ANKRD30B: variants seen among roughly 807,000 people sequenced by gnomAD.
ANKRD30B encodes ankyrin repeat domain-containing protein 30B.
ANKRD30B carries 144 observed loss-of-function variants against 202.2 expected under a neutral mutation model. The observed-to-expected ratio is 0.71, with a 90% confidence interval of 0.62 to 0.82. The LOEUF is 0.82. Among genes scored for constraint, ANKRD30B ranks in the 40% least tolerant of loss-of-function variants. The pLI is 0.00. For synonymous variants in ANKRD30B, 508 were observed against 561.3 expected (o/e 0.91, Z 1.34); for missense variants, 1,487 against 1,669.1 (o/e 0.89, Z 1.90).
At chr18:14,889,331 T>G in the ANKRD30B span, among the ~76,000 whole-genome samples, 192 of 152,246 alleles carry the variant, frequency 1.3e-3, no homozygotes, top group African/African-American at 4.3e-3. Context: ...TACTTCTACA[T>G]TGTCTTCAAT....
intron 30 of ANKRD30B, among the ~76,000 whole-genome samples, chr18:14,817,564 CT>C (rs1350863425): frequency 4.6e-5 from 7 of 152,044 alleles, no homozygotes; most frequent in Non-Finnish European, 8.8e-5. Flanking sequence ...GCATGTTTTG[CT>C]TTTTTATCTT....
intron 15 of ANKRD30B, among the ~76,000 whole-genome samples, chr18:14,788,338 C>G (rs1316164576): frequency 6.6e-6 from 1 of 152,108 alleles, no homozygotes; most frequent in Non-Finnish European, 1.5e-5. Flanking sequence ...TTAATGGCCA[C>G]ATGAATGTAA....
chr18:14,804,797 G>T (rs1032837077), intron 24 of ANKRD30B, among the ~76,000 whole-genome samples: 1 of 150,502 alleles, frequency 6.6e-6, no homozygotes, highest in African/African-American at 2.5e-5. Context: ...TGAATGGGAA[G>T]AATCAAGAAC....
At chr18:14,884,959 A>G in the ANKRD30B span, among the ~76,000 whole-genome samples, 1 of 152,130 alleles carries the variant, frequency 6.6e-6, no homozygotes, top group Non-Finnish European at 1.5e-5. Flanking sequence ...GCTGACAACA[A>G]TGCTCAAATA....
the ANKRD30B span, among the ~76,000 whole-genome samples, chr18:14,924,790 G>C: frequency 1.3e-5 from 2 of 152,332 alleles, no homozygotes; most frequent in Middle Eastern, 3.4e-3. Flanking sequence ...GAAGATTCCT[G>C]GTGTTCCCCA....
At chr18:14,772,768 C>T (rs1327961707) in intron 9 of ANKRD30B, among the ~76,000 whole-genome samples, 1 of 138,164 alleles carries the variant, frequency 7.2e-6, no homozygotes, top group East Asian at 2.1e-4. Context: ...CAGGAGAGAG[C>T]TTTTTCTCAG....
At chr18:14,817,810 T>G (rs1472332435) in intron 30 of ANKRD30B, among the ~76,000 whole-genome samples, 3 of 152,208 alleles carry the variant, frequency 2.0e-5, no homozygotes, top group African/African-American at 4.8e-5. Context: ...GAGAATGACC[T>G]TCTCATCATA....
chr18:14,937,507 T>C, the ANKRD30B span, among the ~76,000 whole-genome samples: 1 of 152,258 alleles, frequency 6.6e-6, no homozygotes. Context: ...CAGCCTCTGA[T>C]GGACTGCAAG....
chr18:14,791,251 T>G, intron 15 of ANKRD30B, 150 bp from the exon 16 acceptor site: 2 of 602,320 alleles, frequency 3.3e-6, no homozygotes, highest in Non-Finnish European at 5.8e-6. Context: ...ATCAAAATGT[T>G]TTGATTTTCT....
At chr18:14,837,574 T>G in intron 35 of ANKRD30B, 41 bp from the exon 36 acceptor site, 2 of 1,406,956 alleles carry the variant, frequency 1.4e-6, no homozygotes, top group Non-Finnish European at 1.9e-6. Flanking sequence ...TTTACAGTAA[T>G]AAACATTCTC....
At chr18:14,846,634 T>C (rs542587863) in intron 39 of ANKRD30B, among the ~76,000 whole-genome samples, 3 of 152,162 alleles carry the variant, frequency 2.0e-5, no homozygotes, top group African/African-American at 7.2e-5. Context: ...TTTAGGACTG[T>C]TATGTTTTCT....
At chr18:14,795,023 C>T (rs1048719584) in intron 16 of ANKRD30B, among the ~76,000 whole-genome samples, 1 of 152,154 alleles carries the variant, frequency 6.6e-6, no homozygotes, top group Non-Finnish European at 1.5e-5. Flanking sequence ...CTTAACAACT[C>T]ACATGGTATA....
At chr18:14,887,540 G>A in the ANKRD30B span, among the ~76,000 whole-genome samples, 2,059 of 151,878 alleles carry the variant, frequency 0.014, 45 homozygotes, top group African/African-American at 0.047. Flanking sequence ...GTATTGTTCT[G>A]TGTGAGACAT....
At chr18:14,888,694 C>G in the ANKRD30B span, 13 of 677,690 alleles carry the variant, frequency 1.9e-5, no homozygotes, top group Non-Finnish European at 1.7e-5. Flanking sequence ...TCTTTATATA[C>G]CATATACAAT....
chr18:14,750,342 T>C (rs1048849252), intron 1 of ANKRD30B, among the ~76,000 whole-genome samples: 1 of 152,116 alleles, frequency 6.6e-6, no homozygotes, highest in African/African-American at 2.4e-5. Context: ...CAAAGTCCTT[T>C]TTTAAGATCT....
chr18:14,795,669 A>G lies in ANKRD30B; in HGVS notation c.1826-552A>G, dbSNP rs929936084. The stretch of plus-strand genomic sequence containing the variant: ...TCTATAAGTAGATATTTATGCTGAT[A>G]AATTTAGAACATCCTCTGCAATGAT... On this transcript the variant is annotated intron_variant, in intron 16 of 43. Transcript: ENST00000690538. Among the ~76,000 whole-genome samples, 118 of 152,342 alleles carry G rather than the reference A, an allele frequency of 7.7e-4. 1 individual carries two copies. The highest frequency in any genetic ancestry group is 3.4e-3 in the Middle Eastern group (1 of 294).
intron 32 of ANKRD30B, among the ~76,000 whole-genome samples, chr18:14,826,876 G>T (rs1007548032): frequency 1.3e-5 from 2 of 152,012 alleles, no homozygotes; most frequent in African/African-American, 4.8e-5. Context: ...CATAAATTAG[G>T]CACAGTGAGA....
intron 11 of ANKRD30B, among the ~76,000 whole-genome samples, chr18:14,782,126 A>G (rs1210566955): frequency 6.6e-6 from 1 of 152,138 alleles, no homozygotes; most frequent in Non-Finnish European, 1.5e-5. Flanking sequence ...TATTTTTCCC[A>G]CCAGCCTGAT....
chr18:14,807,917 T>G (rs1371287762), intron 24 of ANKRD30B, among the ~76,000 whole-genome samples: 1 of 150,954 alleles, frequency 6.6e-6, no homozygotes, highest in Non-Finnish European at 1.5e-5. Flanking sequence ...GAGAACCCCA[T>G]AAATGTAAAA....
Sources: gnomAD v4.1 joint callset for allele counts (sites outside exome capture counted in the v4.1 genomes callset) on GRCh38, gnomAD v4.1.1 for gene constraint, MANE v1.5 for transcripts, NCBI Gene and HGNC (gene_info 2026-07-23, HGNC 2026-07-21) for gene names.